Variants in ROS1 observed in about 807,000 individuals in gnomAD.
The protein encoded by ROS1 is ROS proto-oncogene 1, receptor tyrosine kinase, also known as proto-oncogene tyrosine-protein kinase ROS.
Under a neutral mutation model 273.5 loss-of-function variants are expected in ROS1, and 263 were observed. That is an observed-to-expected ratio of 0.96 (90% confidence interval 0.87 to 1.06). The LOEUF (loss-of-function observed/expected upper bound fraction) is 1.06, where lower values mean the gene tolerates loss of function less well. ROS1 is among the 50% of genes least tolerant of loss of function. ROS1 has a pLI of 0.00. For synonymous variants in ROS1, 1,008 were observed against 954.1 expected (o/e 1.06, Z -1.04); for missense variants, 2,833 against 2,751.1 (o/e 1.03, Z -0.67).
At chr6:117,327,510 C>T (rs572681683) in intron 33 of ROS1, among the ~76,000 whole-genome samples, 45 of 152,308 alleles carry the variant, frequency 3.0e-4, no homozygotes, top group African/African-American at 9.6e-4. Context: ...GTTGGTTGAG[C>T]ACCTTCTATT....
chr6:117,361,538 T>G (rs1340487655), intron 22 of ROS1, among the ~76,000 whole-genome samples: 12 of 148,428 alleles, frequency 8.1e-5, no homozygotes, highest in Non-Finnish European at 3.0e-5. Context: ...TGAAACTATA[T>G]ATCTATATAC....
chr6:117,387,901 T>A lies in ROS1; in HGVS notation c.1878A>T (p.Gly626=). ...EVTHIFLNIS[G]TMLNVPELQS... Reference sequence around the variant, plus strand: ...GCAGCTCAGGTACATTCAGCATGGTTCCACTTATGTTCAAGAAAATATGAG... The same window carrying A: ...GCAGCTCAGGTACATTCAGCATGGTACCACTTATGTTCAAGAAAATATGAG... The change falls in exon 14 of 44, where the codon GGA becomes GGT. Residue 626 remains glycine, a synonymous_variant. Transcript: ENST00000368507. The A allele has an allele frequency of 6.2e-7, 1 of 1,614,204 alleles. No individual in the cohort carries two copies. Among genetic ancestry groups the A allele is most frequent in the Non-Finnish European group, 8.5e-7 (1 of 1,180,026 alleles).
Position 117,389,404 on chromosome 6 carries a change from CA to C in ROS1, c.1731del (p.Phe577LeufsTer17). 1.9e-6 allele frequency: 3 copies of C among 1,614,146 alleles called. No homozygotes were observed. The highest frequency in any genetic ancestry group is 2.5e-6 in the Non-Finnish European group (3 of 1,180,020). On this transcript the variant is annotated frameshift_variant, in exon 13 of 44. Coordinates refer to ENST00000368507, the MANE Select transcript of ROS1 (RefSeq NM_001378902.1). LOFTEE classifies it high-confidence loss of function. ...CATTGAACAAGAGCCTGGTGAGAGC[CA>C]AACAGCACCGAAAGCTCCTGCGGGC... Reference protein sequence around the residue: ...PGRPQELSVLFGSHQALVQWK... With the variant: ...PGRPQELSVLXGSHQALVQWK...
chr6:117,365,182 G>C lies in ROS1; in HGVS notation c.2981C>G (p.Ser994Cys), dbSNP rs1780115455. Residue 994 changes from serine to cysteine, a missense_variant, in exon 21 of 44, where the codon TCT becomes TGT. Transcript: ENST00000368507. ...TCCTTCCACAGTAAATACAGGTAAA[G>C]AGTGTTGTTCACTAGCCAAGAACTA... The part of the protein sequence containing the change: ...HSKFLASEQH[S>C]LPVFTVEGLE... The C allele has an allele frequency of 6.2e-7, 1 of 1,608,958 alleles. No homozygotes were observed. The highest frequency in any genetic ancestry group is 2.2e-5 in the East Asian group (1 of 44,848).
At chr6:117,405,888 C>T (rs1373407420) in intron 5 of ROS1, among the ~76,000 whole-genome samples, 4 of 152,120 alleles carry the variant, frequency 2.6e-5, no homozygotes, top group Non-Finnish European at 5.9e-5. Flanking sequence ...AATTTTCTCA[C>T]CTGTAAAATG....
chr6:117,399,392 C>T (rs1473039566), intron 7 of ROS1, among the ~76,000 whole-genome samples: 5 of 152,160 alleles, frequency 3.3e-5, no homozygotes, highest in East Asian at 3.9e-4. Flanking sequence ...TGGTCTGAGG[C>T]GCTAAGCAAG....
Position 117,342,551 on chromosome 6 carries a change from T to A in ROS1, c.4507-7A>T. 6.8e-7 allele frequency: 1 copy of A among 1,460,252 alleles called. No individual in the cohort carries two copies. Among genetic ancestry groups the A allele is most frequent in the Non-Finnish European group, 9.2e-7 (1 of 1,088,702 alleles). The allele number at this position is 1,460,252 out of a possible 1,614,324, so 90.5% of individuals were successfully genotyped here. ...CTATACTGTCCTGAAATTCCTGTAA[T>A]TGATTTTTTAAAAATCAACATCTTA... On this transcript the variant is annotated splice_polypyrimidine_tract_variant and splice_region_variant and intron_variant, in intron 28 of 43. Coordinates refer to ENST00000368507, the MANE Select transcript of ROS1 (RefSeq NM_001378902.1).
chr6:117,399,057 A>G (rs1259278425), intron 7 of ROS1, among the ~76,000 whole-genome samples: 1 of 152,184 alleles, frequency 6.6e-6, no homozygotes, highest in Non-Finnish European at 1.5e-5. Context: ...CAATTAACAC[A>G]ATACAGATAA....
intron 12 of ROS1, 34 bp downstream of exon 12, chr6:117,393,190 G>C (rs374509009): frequency 6.6e-6 from 8 of 1,209,620 alleles, no homozygotes; most frequent in Non-Finnish European, 9.8e-6. Flanking sequence ...ATTCCCAATG[G>C]AAGAGAATTC....
intron 33 of ROS1, among the ~76,000 whole-genome samples, chr6:117,327,821 G>T (rs773841326): frequency 3.3e-5 from 5 of 152,158 alleles, no homozygotes; most frequent in Admixed American, 6.5e-5. Flanking sequence ...TCCAATGACT[G>T]GCACTTGCAT....
At chr6:117,365,021 T>C (rs1476874649) in intron 21 of ROS1, 39 bp downstream of exon 21, 41 of 1,590,962 alleles carry the variant, frequency 2.6e-5, no homozygotes, top group Non-Finnish European at 3.5e-5. Flanking sequence ...AGTGAGATTC[T>C]GCTTTTTTAA....
At chr6:117,379,565 T>C (rs958617226) in intron 17 of ROS1, among the ~76,000 whole-genome samples, 2 of 152,156 alleles carry the variant, frequency 1.3e-5, no homozygotes, top group Non-Finnish European at 1.5e-5. Flanking sequence ...AACTCTGGCC[T>C]ATTTAGCAAC....
chr6:117,335,871 A>AGTC (rs1274328754), intron 32 of ROS1, among the ~76,000 whole-genome samples: 1 of 151,942 alleles, frequency 6.6e-6, no homozygotes, highest in East Asian at 1.9e-4. Context: ...CTTAGAGGAC[A>AGTC]GGTCAATAGG....
chr6:117,362,539 G>C (rs962540890), intron 22 of ROS1, 64 bp downstream of exon 22: 1 of 1,470,296 alleles, frequency 6.8e-7, no homozygotes, highest in African/African-American at 1.4e-5. Flanking sequence ...CAGAAACATA[G>C]TCTTTCCCTC....
intron 17 of ROS1, among the ~76,000 whole-genome samples, chr6:117,381,875 C>T (rs748011698): frequency 6.6e-6 from 1 of 152,028 alleles, no homozygotes; most frequent in East Asian, 1.9e-4. Flanking sequence ...AGTGTATAAG[C>T]GTTTGGAGGG....
At chr6:117,341,775 T>C (rs1777948687) in intron 29 of ROS1, 143 bp from the exon 30 acceptor site, 1 of 657,842 alleles carries the variant, frequency 1.5e-6, no homozygotes, top group Non-Finnish European at 2.6e-6. Flanking sequence ...CAGCCTCTTC[T>C]ATAATCGTAG....
At chr6:117,392,804 C>T (rs960385175) in intron 12 of ROS1, among the ~76,000 whole-genome samples, 11 of 152,038 alleles carry the variant, frequency 7.2e-5, no homozygotes, top group African/African-American at 1.9e-4. Flanking sequence ...GATGTGAGAA[C>T]CAAACCAGAG....
chr6:117,353,956 A>G (rs1489940506), intron 26 of ROS1, among the ~76,000 whole-genome samples: 3 of 152,180 alleles, frequency 2.0e-5, no homozygotes, highest in Non-Finnish European at 4.4e-5. Flanking sequence ...TTAAGAGAAT[A>G]TTAACTAGCT....
At chr6:117,412,629 TAG>T in intron 4 of ROS1, among the ~76,000 whole-genome samples, 1 of 145,656 alleles carries the variant, frequency 6.9e-6, no homozygotes, top group Non-Finnish European at 1.5e-5. Context: ...GATAGATAGA[TAG>T]ATATACACAT....
Sources: allele counts gnomAD v4.1 joint callset (sites outside exome capture counted in the v4.1 genomes callset), GRCh38; gene constraint gnomAD v4.1.1; transcripts MANE v1.5; gene names NCBI Gene and HGNC (gene_info 2026-07-23, HGNC 2026-07-21).